STXBP5L: variants seen among roughly 807,000 people sequenced by gnomAD.
STXBP5L encodes the protein syntaxin binding protein 5L, also known as syntaxin-binding protein 5-like.
A neutral mutation model predicts 144.5 loss-of-function variants in STXBP5L; 65 were observed. The ratio of observed to expected loss-of-function variants is 0.45; its 90% CI spans 0.37 to 0.55. The LOEUF (loss-of-function observed/expected upper bound fraction) is 0.55. Among genes scored for constraint, STXBP5L ranks in the 20% least tolerant of loss-of-function variants. STXBP5L has a pLI of 0.00. For missense variants in STXBP5L, 1,298 were observed against 1,405.5 expected, an observed-to-expected ratio of 0.92 and a Z score of 1.22; for synonymous variants, 505 against 469.6, an observed-to-expected ratio of 1.08 and a Z score of -0.97.
At chr3:121,021,745 TC>T (rs1310639469) in intron 3 of STXBP5L, among the ~76,000 whole-genome samples, 6 of 152,170 alleles carry the variant, frequency 3.9e-5, no homozygotes, top group African/African-American at 1.4e-4. Flanking sequence ...CTATCAAATC[TC>T]CTGGAATACA....
intron 5 of STXBP5L, among the ~76,000 whole-genome samples, chr3:121,056,355 T>A (rs1004503306): frequency 6.6e-6 from 1 of 152,168 alleles, no homozygotes; most frequent in Non-Finnish European, 1.5e-5. Flanking sequence ...GGCTACGATA[T>A]ACAGACCCTT....
intron 2 of STXBP5L, among the ~76,000 whole-genome samples, chr3:120,913,095 C>G (rs569652802): frequency 1.3e-5 from 2 of 151,866 alleles, no homozygotes; most frequent in African/African-American, 2.4e-5. Context: ...AAAACCTATT[C>G]TATGTTTTTC....
At chr3:121,178,080 C>T (rs1348404497) in intron 9 of STXBP5L, among the ~76,000 whole-genome samples, 1 of 152,028 alleles carries the variant, frequency 6.6e-6, no homozygotes, top group East Asian at 1.9e-4. Flanking sequence ...CTATCAAATT[C>T]ACAGAGGCAA....
At chr3:120,933,991 G>T (rs1295059911) in intron 2 of STXBP5L, among the ~76,000 whole-genome samples, 1 of 151,076 alleles carries the variant, frequency 6.6e-6, no homozygotes, top group African/African-American at 2.4e-5. Flanking sequence ...TTTTCTTCTT[G>T]TAACTTCACA....
intron 19 of STXBP5L, among the ~76,000 whole-genome samples, chr3:121,315,020 C>G (rs2043731829): frequency 6.6e-6 from 1 of 152,086 alleles, no homozygotes; most frequent in African/African-American, 2.4e-5. Flanking sequence ...AATAGGAACA[C>G]TTTTACACTG....
intron 2 of STXBP5L, among the ~76,000 whole-genome samples, chr3:120,936,523 T>C (rs1471234825): frequency 6.6e-6 from 1 of 152,198 alleles, no homozygotes; most frequent in African/African-American, 2.4e-5. Flanking sequence ...TAATGTCAGA[T>C]GGCAAAATTT....
chr3:121,153,327 T>C (rs2045996512), intron 8 of STXBP5L, among the ~76,000 whole-genome samples: 1 of 152,094 alleles, frequency 6.6e-6, no homozygotes, highest in South Asian at 2.1e-4. Flanking sequence ...AATTACCTTT[T>C]GTACCTGTGG....
intron 6 of STXBP5L, among the ~76,000 whole-genome samples, chr3:121,116,795 T>A (rs993578505): frequency 1.3e-5 from 2 of 151,922 alleles, no homozygotes; most frequent in Admixed American, 1.3e-4. Context: ...ATAAAAGCAA[T>A]AAAAGGGCTG....
intron 20 of STXBP5L, among the ~76,000 whole-genome samples, chr3:121,349,133 G>A (rs2108606466): frequency 6.6e-6 from 1 of 152,166 alleles, no homozygotes; most frequent in Non-Finnish European, 1.5e-5. Flanking sequence ...CTTTAAATGT[G>A]TCCCGGAGAT....
rs749590317 is a variant in STXBP5L at position 120,940,632 on chromosome 3, GGGT to G, written c.190-14305_190-14303del. 6.4e-3 allele frequency among the ~76,000 whole-genome samples: 813 copies of G among 127,210 alleles called. 3 individuals carry two copies. Among genetic ancestry groups the G allele is most frequent in the South Asian group, 0.025 (110 of 4,362 alleles). The allele number at this position is 127,210 out of a possible 152,430, so 83.5% of individuals were successfully genotyped here. ...GTAAGAAGATGAAAATGAGTCCTAG[GGGT>G]GGAAAAAAAAAAACAGTGGAATTTA... On this transcript the variant is annotated intron_variant, in intron 2 of 26. Coordinates refer to ENST00000471454, the MANE Select transcript of STXBP5L (RefSeq NM_001308330.2).
chr3:121,384,819 T>C (rs2046391758), intron 22 of STXBP5L, among the ~76,000 whole-genome samples: 1 of 152,070 alleles, frequency 6.6e-6, no homozygotes, highest in Admixed American at 6.6e-5. Context: ...TAGCAAACTT[T>C]GTCCCTTCTC....
chr3:120,928,308 G>T (rs1257207567), intron 2 of STXBP5L, among the ~76,000 whole-genome samples: 1 of 151,894 alleles, frequency 6.6e-6, no homozygotes, highest in Non-Finnish European at 1.5e-5. Context: ...TGTCATCCAG[G>T]CTGGAGTGCA....
intron 5 of STXBP5L, among the ~76,000 whole-genome samples, chr3:121,103,135 A>G (rs1391996866): frequency 3.3e-5 from 5 of 152,194 alleles, no homozygotes; most frequent in African/African-American, 1.2e-4. Flanking sequence ...TGTGGAAAGC[A>G]GTTTGGAGAT....
At chr3:121,395,905 C>G (rs530787808) in intron 22 of STXBP5L, among the ~76,000 whole-genome samples, 1 of 152,332 alleles carries the variant, frequency 6.6e-6, no homozygotes, top group Non-Finnish European at 1.5e-5. Context: ...ATGGCTGCAA[C>G]CGAGGGGTCC....
intron 7 of STXBP5L, among the ~76,000 whole-genome samples, chr3:121,122,989 A>G (rs2044538686): frequency 1.3e-5 from 2 of 151,744 alleles, no homozygotes; most frequent in South Asian, 4.1e-4. Flanking sequence ...ACTAAATCAG[A>G]AAATAGCAAT....
In STXBP5L at chr3:120,991,758, C is replaced by T. The variant is rs867468434; in HGVS notation, c.287+36721C>T. 1.1e-4 allele frequency among the ~76,000 whole-genome samples: 16 copies of T among 146,672 alleles called. No individual in the cohort carries two copies. The Middle Eastern group carries it at 0.017, about 158-fold the overall frequency. ...TTCTCACTCATAGGTGGGAATTGAA[C>T]AATGAGAACACATGGACACAGGGTG... is the stretch of plus-strand genomic sequence containing the variant. On this transcript the variant is annotated intron_variant, in intron 3 of 26. Coordinates refer to ENST00000471454, the MANE Select transcript of STXBP5L (RefSeq NM_001308330.2).
At chr3:120,945,378 T>G (rs975960294) in intron 2 of STXBP5L, among the ~76,000 whole-genome samples, 1 of 151,834 alleles carries the variant, frequency 6.6e-6, no homozygotes, top group African/African-American at 2.4e-5. Context: ...CATATAGGTA[T>G]TATTATTATT....
intron 8 of STXBP5L, among the ~76,000 whole-genome samples, chr3:121,155,438 G>C (rs1344726563): frequency 2.0e-5 from 3 of 151,792 alleles, no homozygotes; most frequent in African/African-American, 7.2e-5. Flanking sequence ...AATAGCCATT[G>C]ATGAATGGAT....
At chr3:121,022,320 A>G (rs1388028707) in intron 3 of STXBP5L, among the ~76,000 whole-genome samples, 1 of 152,156 alleles carries the variant, frequency 6.6e-6, no homozygotes, top group Non-Finnish European at 1.5e-5. Context: ...CCAGGACCAG[A>G]TGGATTAACA....
Sources: allele counts gnomAD v4.1 joint callset (sites outside exome capture counted in the v4.1 genomes callset), GRCh38; gene constraint gnomAD v4.1.1; transcripts MANE v1.5; gene names NCBI Gene and HGNC (gene_info 2026-07-23, HGNC 2026-07-21).